LEMD1: variants seen among roughly 807,000 people sequenced by gnomAD.
LEMD1 encodes the protein LEM domain containing 1, also known as LEM domain-containing protein 1.
In LEMD1, 18 loss-of-function variants were observed where a neutral mutation model predicts 17.4. The observed-to-expected ratio is 1.04, with a 90% CI of 0.72 to 1.54. The LOEUF is 1.54. Among genes scored for constraint, LEMD1 ranks in the 40% most tolerant of loss-of-function variants. The probability of loss-of-function intolerance (pLI) is 0.00; values close to 1 mark genes in which losing one functional copy is unlikely to be tolerated. For missense variants in LEMD1, 195 were observed against 210.4 expected, an observed-to-expected ratio of 0.93 and a Z score of 0.45; for synonymous variants, 88 against 77.8, an observed-to-expected ratio of 1.13 and a Z score of -0.69.
intron 5 of LEMD1, among the ~76,000 whole-genome samples, chr1:205,382,371 T>C (rs1027337906): frequency 6.6e-6 from 1 of 151,708 alleles, no homozygotes; most frequent in South Asian, 2.1e-4. Context: ...GTACTATGAT[T>C]GTGCCACTGC....
intron 4 of LEMD1, among the ~76,000 whole-genome samples, chr1:205,393,625 G>A (rs1020520836): frequency 6.6e-6 from 1 of 151,694 alleles, no homozygotes; most frequent in Non-Finnish European, 1.5e-5. Flanking sequence ...GCAGTGAGCC[G>A]AGATCGTGCC....
rs566165309 is a variant in LEMD1 at position 205,441,479 on chromosome 1, C to G, written c.-39+8389G>C. Among the ~76,000 whole-genome samples the G allele has an allele frequency of 6.6e-6, 1 of 152,316 alleles. No homozygotes were observed. The highest frequency in any genetic ancestry group is 2.1e-4 in the South Asian group (1 of 4,830). On this transcript the variant is annotated intron_variant, in intron 1 of 3. Transcript: ENST00000367154. This position sits in a 1 kb window ranked among gnomAD's most constrained non-coding sequence, Gnocchi z 4.3. ...CAGGTTCTAGCTGGGGGCTTCCACT[C>G]GCTTCTGCAGGTTGCACACACGACA... is the stretch of plus-strand genomic sequence containing the variant.
chr1:205,417,368 G>T (rs1665740768), intron 3 of LEMD1, among the ~76,000 whole-genome samples: 1 of 152,228 alleles, frequency 6.6e-6, no homozygotes, highest in African/African-American at 2.4e-5. Context: ...TGGGACCCAG[G>T]ACGGCGGGGA....
rs1663712799 is a variant in LEMD1 at position 205,381,814 on chromosome 1, A to G, written c.390T>C (p.Thr130=). Residue 130 remains threonine, a synonymous_variant, in exon 6 of 6, where the codon ACT becomes ACC. Transcript: ENST00000367153. ...RAPSTRITYG[T]ITKERDYCAE... Reference sequence around the variant, plus strand: ...CGCAGTAGTCTCTCTCTTTGGTGATAGTCCCATATGTGATTCTGGTGCTTG... The same window carrying G: ...CGCAGTAGTCTCTCTCTTTGGTGATGGTCCCATATGTGATTCTGGTGCTTG... 6.2e-7 allele frequency: 1 copy of G among 1,613,974 alleles called. No homozygotes were observed. Among genetic ancestry groups the G allele is most frequent in the African/African-American group, 1.3e-5 (1 of 74,884 alleles).
In LEMD1 at chr1:205,384,350, G is replaced by T; in HGVS notation, c.285C>A (p.Ser95=). 2 of 1,518,814 alleles carry T rather than the reference G, an allele frequency of 1.3e-6. No individual in the cohort carries two copies. Among genetic ancestry groups the T allele is most frequent in the Non-Finnish European group, 1.8e-6 (2 of 1,133,038 alleles). 94.1% of individuals were successfully genotyped at this position (1,518,814 alleles called of 1,614,324 possible). ...SKKLKKWPEA[S]TTKRKAVDTY... is the part of the protein sequence containing the mutation. Reference sequence around the variant, plus strand: ...TATCTACAGCTTTGCGTTTAGTGGTGGAAGCCTCAGGCCACTGATAAACAG... The same window carrying T: ...TATCTACAGCTTTGCGTTTAGTGGTTGAAGCCTCAGGCCACTGATAAACAG... Residue 95 remains serine (S), a synonymous_variant, in exon 5 of 6, where the codon TCC becomes TCA. Transcript: ENST00000367153.
In LEMD1 at chr1:205,399,071, C is replaced by T. The variant is rs529980761; in HGVS notation, c.271-14707G>A. On this transcript the variant is annotated intron_variant, in intron 4 of 5. Transcript: ENST00000367153. ...CTCTACTAAAAATACAAAAATTAGCCGAGTGTGGTGGTGCAAGCCTGTAGT... is the reference window on the plus strand; with the variant it reads ...CTCTACTAAAAATACAAAAATTAGCTGAGTGTGGTGGTGCAAGCCTGTAGT... 5.3e-5 allele frequency among the ~76,000 whole-genome samples: 8 copies of T among 151,944 alleles called. No individual in the cohort carries two copies. The East Asian group carries it at 9.7e-4, about 18-fold the overall frequency.
At chr1:205,388,284 G>T (rs1255093242) in intron 4 of LEMD1, among the ~76,000 whole-genome samples, 5 of 151,106 alleles carry the variant, frequency 3.3e-5, no homozygotes, top group African/African-American at 4.9e-5. Flanking sequence ...TGCAATCGCC[G>T]CCTCCCAGGT....
chr1:205,444,034 C>T lies in LEMD1; in HGVS notation c.-39+5834G>A, dbSNP rs536158875. ...AGCTGGAGGCTCCCTGAAGTCAGGT[C>T]CCCTTGCTGCGTCTATTTGAGGGGG... On this transcript the variant is annotated intron_variant, in intron 1 of 3. Transcript: ENST00000367154. 1.5e-3 allele frequency among the ~76,000 whole-genome samples: 224 copies of T among 152,238 alleles called. 1 individual carries two copies. The highest frequency in any genetic ancestry group is 2.2e-3 in the Non-Finnish European group (153 of 68,008).
intron 5 of LEMD1, among the ~76,000 whole-genome samples, chr1:205,383,000 C>T (rs746262451): frequency 6.6e-6 from 1 of 152,112 alleles, no homozygotes; most frequent in Admixed American, 6.6e-5. Context: ...CTGTCTTGAG[C>T]TTTTATTTGA....
chr1:205,433,354 G>A lies in LEMD1; in HGVS notation c.-38-12780C>T, dbSNP rs572630927. On this transcript the variant is annotated intron_variant, in intron 1 of 3. Transcript: ENST00000367154. ...TGCCTGTAATCCCAGCTACTTGGGA[G>A]GCTGAGGCAGGAGAATCGCTTGAGC... Among the ~76,000 whole-genome samples, 146 of 152,040 alleles carry A rather than the reference G, an allele frequency of 9.6e-4. 2 individuals are homozygous for A. Among genetic ancestry groups the A allele is most frequent in the African/African-American group, 3.4e-3 (139 of 41,470 alleles).
intron 1 of LEMD1, among the ~76,000 whole-genome samples, chr1:205,432,070 A>G (rs547759740): frequency 9.1e-4 from 139 of 152,284 alleles, no homozygotes; most frequent in Non-Finnish European, 1.4e-3. Flanking sequence ...TTCTGGTCCC[A>G]GGCAATGTGG....
At chr1:205,395,860 CA>C (rs1211436269) in intron 4 of LEMD1, among the ~76,000 whole-genome samples, 1 of 152,048 alleles carries the variant, frequency 6.6e-6, no homozygotes, top group Non-Finnish European at 1.5e-5. Context: ...TGAGAAAACA[CA>C]AATGACCAAT....
At chr1:205,411,333 C>T (rs567395522) in intron 4 of LEMD1, among the ~76,000 whole-genome samples, 7 of 151,160 alleles carry the variant, frequency 4.6e-5, no homozygotes, top group African/African-American at 9.7e-5. Context: ...TTTGGGAGGC[C>T]GAGGCGGGCG....
intron 3 of LEMD1, among the ~76,000 whole-genome samples, chr1:205,417,855 T>G (rs1451299533): frequency 6.7e-6 from 1 of 149,938 alleles, no homozygotes; most frequent in African/African-American, 2.4e-5. Flanking sequence ...AAATGTAATG[T>G]GGTCACACGC....
chr1:205,425,909 ATTTTTCCTAGCAATTT>A (rs869269408), upstream of LEMD1, among the ~76,000 whole-genome samples: 1 of 94,226 alleles, frequency 1.1e-5, no homozygotes, highest in Non-Finnish European at 2.8e-5. Flanking sequence ...GTAAGATGTG[ATTTTTCCTAGCAATTT>A]TTGAAACTAT....
chr1:205,415,272 A>G (rs979446725), intron 4 of LEMD1, among the ~76,000 whole-genome samples: 1 of 152,192 alleles, frequency 6.6e-6, no homozygotes, highest in Non-Finnish European at 1.5e-5. Flanking sequence ...CGAGGAAGGA[A>G]GGGAAAGAGA....
At chr1:205,404,524 C>T (rs12087367) in intron 4 of LEMD1, among the ~76,000 whole-genome samples, 46,701 of 151,780 alleles carry the variant, frequency 0.31, 7,529 homozygotes, top group African/African-American at 0.38. Flanking sequence ...GGATTGCAAC[C>T]CCTGCCTTTT....
chr1:205,439,574 A>G (rs1213361240), intron 1 of LEMD1, among the ~76,000 whole-genome samples: 7 of 152,310 alleles, frequency 4.6e-5, no homozygotes, highest in Non-Finnish European at 7.3e-5. Flanking sequence ...AGAGGCCCAC[A>G]TTCCAAGGAA....
chr1:205,393,832 C>A (rs1664456357), intron 4 of LEMD1, among the ~76,000 whole-genome samples: 1 of 143,892 alleles, frequency 6.9e-6, no homozygotes, highest in African/African-American at 2.6e-5. Context: ...TATGACCCAG[C>A]AATTCCACTC....
Sources: gnomAD v4.1 joint callset for allele counts (sites outside exome capture counted in the v4.1 genomes callset) on GRCh38, gnomAD v4.1.1 for gene constraint, Gnocchi (gnomAD v3.1) non-coding constraint, MANE v1.5 for transcripts, NCBI Gene and HGNC (gene_info 2026-07-23, HGNC 2026-07-21) for gene names.